ITFG1: variants seen among roughly 807,000 people sequenced by gnomAD.
ITFG1 encodes the protein integrin alpha FG-GAP repeat containing 1, also known as T-cell immunomodulatory protein.
Under a neutral mutation model 81.8 loss-of-function variants are expected in ITFG1, and 34 were observed. The ratio of observed to expected loss-of-function variants is 0.42; its 90% CI spans 0.32 to 0.55. The LOEUF (loss-of-function observed/expected upper bound fraction) is 0.55, where lower values mean the gene tolerates loss of function less well. Among genes scored for constraint, ITFG1 ranks in the 20% least tolerant of loss-of-function variants. ITFG1 has a pLI of 0.17. For synonymous variants in ITFG1, 285 were observed against 270.6 expected, an observed-to-expected ratio of 1.05 and a Z score of -0.52; for missense variants, 672 against 755.4, an observed-to-expected ratio of 0.89 and a Z score of 1.29.
chr16:47,318,047 G>A (rs1967390233), intron 8 of ITFG1, among the ~76,000 whole-genome samples: 1 of 152,086 alleles, frequency 6.6e-6, no homozygotes, highest in Non-Finnish European at 1.5e-5. Flanking sequence ...ATTAGGAACA[G>A]TTAGATTTGC....
At chr16:47,404,358 G>A (rs1418387053) in intron 6 of ITFG1, among the ~76,000 whole-genome samples, 1 of 152,156 alleles carries the variant, frequency 6.6e-6, no homozygotes, top group African/African-American at 2.4e-5. Context: ...GGCATGGAAT[G>A]ACTTCTAAGA....
chr16:47,199,291 C>CAAACCAAACA (rs1352483936), intron 14 of ITFG1, among the ~76,000 whole-genome samples: 2 of 151,704 alleles, frequency 1.3e-5, no homozygotes, highest in Non-Finnish European at 2.9e-5. Flanking sequence ...CAAACCAAAC[C>CAAACCAAACA]AAAACAAAAA....
intron 6 of ITFG1, among the ~76,000 whole-genome samples, chr16:47,386,100 G>T (rs994809263): frequency 6.6e-5 from 10 of 152,104 alleles, no homozygotes; most frequent in African/African-American, 1.9e-4. Flanking sequence ...CCTACCAATT[G>T]TAAAAATTCC....
intron 8 of ITFG1, among the ~76,000 whole-genome samples, chr16:47,331,603 A>G (rs1967638224): frequency 6.6e-6 from 1 of 152,218 alleles, no homozygotes; most frequent in African/African-American, 2.4e-5. Context: ...TTTCATTGAA[A>G]TATCTATCTT....
At chr16:47,229,926 T>C (rs1487616769) in intron 13 of ITFG1, among the ~76,000 whole-genome samples, 2 of 152,224 alleles carry the variant, frequency 1.3e-5, no homozygotes, top group Admixed American at 6.5e-5. Context: ...TTTTGAGAGA[T>C]AAATATTCAC....
At chr16:47,455,516 A>C (rs1969440190) in intron 2 of ITFG1, among the ~76,000 whole-genome samples, 1 of 152,012 alleles carries the variant, frequency 6.6e-6, no homozygotes, top group South Asian at 2.1e-4. Context: ...TAATCCCAGC[A>C]CTTTGGGAGG....
At chr16:47,246,969 T>C (rs1010549182) in intron 12 of ITFG1, among the ~76,000 whole-genome samples, 5 of 152,040 alleles carry the variant, frequency 3.3e-5, no homozygotes, top group African/African-American at 1.2e-4. Flanking sequence ...TTTTTAGTAG[T>C]GATGGGGTTT....
intron 14 of ITFG1, among the ~76,000 whole-genome samples, chr16:47,200,871 C>T (rs1965416480): frequency 6.6e-6 from 1 of 152,124 alleles, no homozygotes; most frequent in South Asian, 2.1e-4. Context: ...AATCATTATT[C>T]TAATCGAAGC....
rs1374194757 is a variant in ITFG1 at position 47,219,606 on chromosome 16, T to C, written c.1375-660A>G. ...AAAGATTGCAATGGACATCCTAAGA[T>C]GACAAAATGTTTAAGAAATGCTTTA... On this transcript the variant is annotated intron_variant, in intron 13 of 17. Transcript: ENST00000320640. 2.0e-5 allele frequency among the ~76,000 whole-genome samples: 3 copies of C among 152,154 alleles called. No homozygotes were observed. In the East Asian group the frequency reaches 5.8e-4, roughly 29 times the overall value.
intron 5 of ITFG1, among the ~76,000 whole-genome samples, chr16:47,439,793 C>A (rs1444369916): frequency 6.6e-6 from 1 of 152,118 alleles, no homozygotes; most frequent in African/African-American, 2.4e-5. Context: ...AGCAAAATAA[C>A]CAGCTAACAT....
At chr16:47,451,348 G>T (rs1355439013) in intron 5 of ITFG1, 48 bp downstream of exon 5, 12 of 1,012,654 alleles carry the variant, frequency 1.2e-5, no homozygotes, top group Non-Finnish European at 3.0e-6. Flanking sequence ...GGTTAAAGTA[G>T]AAGCAATATA....
At position 47,451,305 on chromosome 16, in the gene ITFG1, AC is replaced by A. The variant is rs1300497795; in HGVS notation, c.560+90del. The A allele has an allele frequency of 8.8e-5, 61 of 692,112 alleles. No individual in the cohort carries two copies. In the African/African-American group the frequency reaches 9.9e-4, roughly 11 times the overall value. 42.9% of individuals were successfully genotyped at this position (692,112 alleles called of 1,614,324 possible). On this transcript the variant is annotated intron_variant, in intron 5 of 17. Coordinates refer to ENST00000320640, the MANE Select transcript of ITFG1 (RefSeq NM_030790.5). ...AATGCCCACTTAAAAATCTTTAAAA[AC>A]AAGGATTCCAATGAGCTATTTTTTC...
chr16:47,306,652 TA>T (rs67062030), intron 10 of ITFG1, among the ~76,000 whole-genome samples: 7 of 145,292 alleles, frequency 4.8e-5, no homozygotes, highest in Admixed American at 1.4e-4. Context: ...TGTAAAAAAT[TA>T]AAAAAAAAAC....
intron 5 of ITFG1, among the ~76,000 whole-genome samples, chr16:47,430,084 G>A (rs1422059677): frequency 2.8e-5 from 4 of 142,790 alleles, no homozygotes; most frequent in East Asian, 2.1e-4. Flanking sequence ...TTGAATCAGA[G>A]TCTCGCTCTG....
intron 10 of ITFG1, among the ~76,000 whole-genome samples, chr16:47,261,134 C>A (rs985322384): frequency 2.0e-5 from 3 of 152,212 alleles, no homozygotes; most frequent in African/African-American, 7.2e-5. Context: ...GGTGGTAGGG[C>A]AGATATTGCC....
intron 8 of ITFG1, among the ~76,000 whole-genome samples, chr16:47,357,350 C>G (rs1968053129): frequency 6.6e-6 from 1 of 151,992 alleles, no homozygotes; most frequent in Non-Finnish European, 1.5e-5. Context: ...CGCAGTGGCT[C>G]CCGCCTGTAA....
At chr16:47,354,604 G>A (rs550768421) in intron 8 of ITFG1, among the ~76,000 whole-genome samples, 1 of 152,048 alleles carries the variant, frequency 6.6e-6, no homozygotes, top group African/African-American at 2.4e-5. Context: ...ACAAGTAAGA[G>A]TGATGAGACA....
intron 8 of ITFG1, among the ~76,000 whole-genome samples, chr16:47,320,532 A>G (rs1365530284): frequency 2.6e-5 from 4 of 152,234 alleles, no homozygotes; most frequent in Admixed American, 1.3e-4. Flanking sequence ...TAGCTGTTCC[A>G]CACCAATTAC....
At chr16:47,361,276 AT>A (rs1968105641) in intron 8 of ITFG1, among the ~76,000 whole-genome samples, 1 of 152,174 alleles carries the variant, frequency 6.6e-6, no homozygotes, top group African/African-American at 2.4e-5. Context: ...AATTCAATCT[AT>A]AAAAAATGCT....
Sources: allele counts gnomAD v4.1 joint callset (sites outside exome capture counted in the v4.1 genomes callset), GRCh38; gene constraint gnomAD v4.1.1; transcripts MANE v1.5; gene names NCBI Gene and HGNC (gene_info 2026-07-23, HGNC 2026-07-21).